The following ZNF322 variants were observed in gnomAD, a reference collection of about 807,000 sequenced individuals.
ZNF322 encodes the protein zinc finger protein 322, also known as HLA complex group 12.
ZNF322 carries 1 observed loss-of-function variant against 18.3 expected under a neutral mutation model. The observed-to-expected ratio is 0.05, with a 90% CI of 0.02 to 0.26. The LOEUF (loss-of-function observed/expected upper bound fraction) is 0.26. ZNF322 is among the 10% of genes least tolerant of loss of function. The pLI is 1.00. For missense variants in ZNF322, 36 were observed against 403.6 expected (o/e 0.09, Z 7.80); for synonymous variants, 17 against 130.7 (o/e 0.13, Z 5.93).
At chr6:26,640,244 C>G (rs942706667) in intron 3 of ZNF322, among the ~76,000 whole-genome samples, 1 of 152,178 alleles carries the variant, frequency 6.6e-6, no homozygotes, top group Non-Finnish European at 1.5e-5. Flanking sequence ...GGAACATACT[C>G]CAATTAAACA....
chr6:26,647,931 A>G (rs1319714435), intron 2 of ZNF322, among the ~76,000 whole-genome samples: 1 of 149,244 alleles, frequency 6.7e-6, no homozygotes, highest in Admixed American at 6.7e-5. Context: ...CAGGCTGGAG[A>G]GCAGTGGCAC....
In ZNF322 at chr6:26,638,702, T is replaced by C; in HGVS notation, c.-149A>G. On this transcript the variant is annotated 5_prime_UTR_variant, in exon 4 of 4. Coordinates refer to ENST00000415922, the MANE Select transcript of ZNF322 (RefSeq NM_024639.5). ...CTACAAGTTTCCAGCATCATATATG[T>C]TAATTCCTTACTTGGTATTTCCAAC... The C allele has an allele frequency of 2.1e-6, 2 of 934,568 alleles. No individual in the cohort carries two copies. Among genetic ancestry groups the C allele is most frequent in the Non-Finnish European group, 3.2e-6 (2 of 618,946 alleles). The allele number at this position is 934,568 out of a possible 1,614,324, so 57.9% of individuals were successfully genotyped here. A position where few individuals can be genotyped will look rare whatever the true frequency, so the allele number is the denominator to read the frequency against.
At position 26,657,854 on chromosome 6, in the gene ZNF322, A is replaced by G. The variant is rs140503882; in HGVS notation, c.-246+704T>C. 3.5e-3 allele frequency among the ~76,000 whole-genome samples: 526 copies of G among 152,108 alleles called. 3 individuals are homozygous for G. Among genetic ancestry groups the G allele is most frequent in the Middle Eastern group, 6.8e-3 (2 of 294 alleles). On this transcript the variant is annotated intron_variant, in intron 2 of 3. Coordinates refer to ENST00000415922, the MANE Select transcript of ZNF322 (RefSeq NM_024639.5). ...TAGCTCCAGGGTACCCTCCTTCAGG[A>G]TGCTTCTCTTGCCCCATCCTAGGAA...
Position 26,636,066 on chromosome 6 carries a change from G to C in ZNF322, c.*1279C>G, listed in dbSNP as rs576826088. ...TGACACTAAGTAAAAAGCTGAGTATGCTGTTTCTTTATAAGATTGGTCCTG... is the reference window on the plus strand; with the variant it reads ...TGACACTAAGTAAAAAGCTGAGTATCCTGTTTCTTTATAAGATTGGTCCTG... On this transcript the variant is annotated 3_prime_UTR_variant, in exon 4 of 4. Coordinates refer to ENST00000415922, the MANE Select transcript of ZNF322 (RefSeq NM_024639.5). The C allele has an allele frequency of 4.7e-5, 7 of 148,116 alleles. No homozygotes were observed. Among genetic ancestry groups the C allele is most frequent in the South Asian group, 2.2e-4 (1 of 4,574 alleles). The allele number at this position is 148,116 out of a possible 1,614,324, so 9.2% of individuals were successfully genotyped here.
At chr6:26,639,469 A>C (rs1765428784) in intron 3 of ZNF322, among the ~76,000 whole-genome samples, 1 of 152,190 alleles carries the variant, frequency 6.6e-6, no homozygotes, top group African/African-American at 2.4e-5. Flanking sequence ...GCTTTTCTTT[A>C]CATGGTGAAA....
intron 2 of ZNF322, among the ~76,000 whole-genome samples, chr6:26,648,163 G>A (rs529112744): frequency 6.6e-6 from 1 of 152,160 alleles, no homozygotes; most frequent in Non-Finnish European, 1.5e-5. Flanking sequence ...CTTTCAATAT[G>A]AGGAAATCCA....
intron 2 of ZNF322, among the ~76,000 whole-genome samples, chr6:26,650,067 A>G (rs1230769702): frequency 6.6e-6 from 1 of 152,098 alleles, no homozygotes; most frequent in East Asian, 1.9e-4. Context: ...AAGAGAAAAT[A>G]TTTGTAACAA....
rs1321909101 is a variant in ZNF322, at chr6:26,649,701, A to ATTT, written c.-245-5976_-245-5974dup. 2.7e-4 allele frequency among the ~76,000 whole-genome samples: 21 copies of ATTT among 76,812 alleles called. 1 individual carries two copies. Among genetic ancestry groups the ATTT allele is most frequent in the Non-Finnish European group, 4.3e-4 (19 of 43,848 alleles). The allele number at this position is 76,812 out of a possible 152,430, so 50.4% of individuals were successfully genotyped here. A position where few individuals can be genotyped will look rare whatever the true frequency, so the allele number is the denominator to read the frequency against. On this transcript the variant is annotated intron_variant, in intron 2 of 3. Coordinates refer to ENST00000415922, the MANE Select transcript of ZNF322 (RefSeq NM_024639.5). ...TATATATATATATATATATATATATATTTTTTTTTTTTTTTTTTTGAGACT... is the reference window on the plus strand; with the variant it reads ...TATATATATATATATATATATATATATTTTTTTTTTTTTTTTTTTTTTGAGACT...
Position 26,639,848 on chromosome 6 carries a change from C to G in ZNF322, c.-175-1120G>C, listed in dbSNP as rs979859309. Among the ~76,000 whole-genome samples the G allele has an allele frequency of 2.6e-5, 4 of 152,194 alleles. No individual in the cohort carries two copies. The South Asian group carries it at 8.3e-4, about 32-fold the overall frequency. ...CAAAACAACAACACATACACAAAAA[C>G]CAAAATCCTTTCCACATGCCCCCAC... On this transcript the variant is annotated intron_variant, in intron 3 of 3. Coordinates refer to ENST00000415922, the MANE Select transcript of ZNF322 (RefSeq NM_024639.5).
At chr6:26,639,385 T>A (rs1027204) in intron 3 of ZNF322, among the ~76,000 whole-genome samples, 1 of 151,922 alleles carries the variant, frequency 6.6e-6, no homozygotes, top group African/African-American at 2.4e-5. Context: ...TATAAGCACA[T>A]AACTTGCTCA....
chr6:26,652,989 AAAT>A (rs1386975624), intron 2 of ZNF322, among the ~76,000 whole-genome samples: 1 of 152,210 alleles, frequency 6.6e-6, no homozygotes, highest in Non-Finnish European at 1.5e-5. Flanking sequence ...ATAAAAAATG[AAAT>A]AATTTTTTAA....
chr6:26,646,133 G>A (rs756170331), intron 2 of ZNF322, among the ~76,000 whole-genome samples: 3 of 151,936 alleles, frequency 2.0e-5, no homozygotes, highest in Non-Finnish European at 4.4e-5. Flanking sequence ...AGAAAGTCAT[G>A]AAAGAGCTAT....
chr6:26,655,941 T>A (rs146089811), intron 2 of ZNF322, among the ~76,000 whole-genome samples: 3 of 152,270 alleles, frequency 2.0e-5, no homozygotes, highest in Non-Finnish European at 4.4e-5. Flanking sequence ...AATTACTCAG[T>A]CTATGGTATT....
chr6:26,649,667 G>GTA (rs1561924705), intron 2 of ZNF322, among the ~76,000 whole-genome samples: 3 of 44,196 alleles, frequency 6.8e-5, no homozygotes, highest in Admixed American at 2.4e-4. Flanking sequence ...GTGTGTGTGT[G>GTA]TGTGTGTGTA....
intron 2 of ZNF322, among the ~76,000 whole-genome samples, chr6:26,645,071 C>T (rs144707226): frequency 4.2e-4 from 63 of 151,208 alleles, no homozygotes; most frequent in Non-Finnish European, 7.2e-4. Flanking sequence ...GGTGTTTGCA[C>T]ACCAATTATT....
intron 2 of ZNF322, among the ~76,000 whole-genome samples, chr6:26,655,407 G>C (rs1765751260): frequency 6.6e-6 from 1 of 152,094 alleles, no homozygotes; most frequent in Non-Finnish European, 1.5e-5. Context: ...TTCTCAATTA[G>C]GGTTCTAGAA....
chr6:26,642,550 C>CT (rs1261327577), intron 3 of ZNF322, among the ~76,000 whole-genome samples: 2 of 151,998 alleles, frequency 1.3e-5, no homozygotes, highest in East Asian at 1.9e-4. Context: ...CTAGAAATTA[C>CT]TTTTTTTTGG....
At chr6:26,640,065 A>G (rs782100374) in intron 3 of ZNF322, among the ~76,000 whole-genome samples, 1 of 152,138 alleles carries the variant, frequency 6.6e-6, no homozygotes, top group Non-Finnish European at 1.5e-5. Context: ...GTATTGGACC[A>G]TTCCAATATT....
At chr6:26,639,724 T>C (rs1428263679) in intron 3 of ZNF322, among the ~76,000 whole-genome samples, 1 of 152,190 alleles carries the variant, frequency 6.6e-6, no homozygotes, top group Non-Finnish European at 1.5e-5. Flanking sequence ...TTTTCATGTT[T>C]GACCCTCCCT....
Sources: allele counts gnomAD v4.1 joint callset (sites outside exome capture counted in the v4.1 genomes callset), GRCh38; gene constraint gnomAD v4.1.1; transcripts MANE v1.5; gene names NCBI Gene and HGNC (gene_info 2026-07-23, HGNC 2026-07-21).